NFATC1: variants seen among roughly 807,000 people sequenced by gnomAD.
NFATC1 encodes the protein nuclear factor of activated T-cells, cytoplasmic 1.
A neutral mutation model predicts 76.0 loss-of-function variants in NFATC1; 22 were observed. That is an observed-to-expected ratio of 0.29 (90% CI 0.21 to 0.41). The LOEUF (loss-of-function observed/expected upper bound fraction) is 0.41, where lower values mean the gene tolerates loss of function less well. Ranked by LOEUF, NFATC1 falls within the 10% of genes least tolerant of loss-of-function variation. The pLI is 1.00. For synonymous variants in NFATC1, 704 were observed against 613.1 expected, an observed-to-expected ratio of 1.15 and a Z score of -2.19; for missense variants, 1,357 against 1,337.7, an observed-to-expected ratio of 1.01 and a Z score of -0.23.
intron 1 of NFATC1, among the ~76,000 whole-genome samples, chr18:79,399,972 A>T (rs2085130566): frequency 8.3e-6 from 1 of 120,794 alleles, no homozygotes; most frequent in African/African-American, 3.1e-5. Context: ...ACTTCTTTAA[A>T]AAAAAAACTT....
chr18:79,450,442 CTAA>C (rs1349671079), intron 4 of NFATC1, among the ~76,000 whole-genome samples: 12 of 148,026 alleles, frequency 8.1e-5, no homozygotes, highest in Admixed American at 2.0e-4. Flanking sequence ...AATATTTAAC[CTAA>C]TAATATATAA....
chr18:79,437,421 G>A (rs1223100527), intron 3 of NFATC1, among the ~76,000 whole-genome samples: 2 of 152,120 alleles, frequency 1.3e-5, no homozygotes, highest in Non-Finnish European at 1.5e-5. Flanking sequence ...CCTTGTCACC[G>A]GCTCCTCCTG....
chr18:79,486,533 C>T lies in NFATC1; in HGVS notation c.2378C>T (p.Pro793Leu), dbSNP rs377453275. ...PGHCHLGLPQ[P>L]AGEAPAVQDV... ...CACTGTCACCTCGGACTCCCGCAGC[C>T]GGCCGGAGAGGCCCCCGCCGTCCAG... is the stretch of plus-strand genomic sequence containing the variant. The change falls in exon 9 of 10, where the codon CCG becomes CTG. Residue 793 changes from proline (P) to leucine (L), a missense_variant. Pro to Leu is a moderately conservative substitution (Grantham distance 98, BLOSUM62 -3). This residue lies in a region of NFATC1 where 424 missense variants were observed against 395.4 expected (regional missense o/e 1.07). Coordinates refer to ENST00000427363, the MANE Select transcript of NFATC1 (RefSeq NM_001278669.2). 193 of 1,598,374 alleles carry T rather than the reference C, an allele frequency of 1.2e-4. No individual in the cohort carries two copies. In the Middle Eastern group the frequency reaches 1.3e-3, roughly 11 times the overall value.
chr18:79,471,292 G>C (rs1463201566), intron 8 of NFATC1, among the ~76,000 whole-genome samples: 5 of 152,166 alleles, frequency 3.3e-5, no homozygotes, highest in Non-Finnish European at 2.9e-5. Context: ...GGTCTGGTTA[G>C]AAAGGCGGCG....
chr18:79,418,197 T>C (rs1466945482), intron 2 of NFATC1, among the ~76,000 whole-genome samples: 2 of 152,084 alleles, frequency 1.3e-5, no homozygotes, highest in Non-Finnish European at 2.9e-5. Context: ...CGTTGTGTGA[T>C]GGCAGGAAGA....
At chr18:79,508,155 G>C (rs909304435) in intron 9 of NFATC1, among the ~76,000 whole-genome samples, 51 of 152,188 alleles carry the variant, frequency 3.4e-4, no homozygotes, top group African/African-American at 1.2e-3. Flanking sequence ...ATTGTTTTCT[G>C]GGATTCCCAG....
In NFATC1 at chr18:79,483,593, G is replaced by GTGT. The variant is rs1344853830; in HGVS notation, c.2093-2655_2093-2654insTGT. Among the ~76,000 whole-genome samples, 93 of 140,060 alleles carry GTGT rather than the reference G, an allele frequency of 6.6e-4. 10 individuals carry two copies. Among genetic ancestry groups the GTGT allele is most frequent in the African/African-American group, 1.9e-3 (69 of 35,870 alleles). 91.9% of individuals were successfully genotyped at this position (140,060 alleles called of 152,430 possible). On this transcript the variant is annotated intron_variant, in intron 8 of 9. Coordinates refer to ENST00000427363, the MANE Select transcript of NFATC1 (RefSeq NM_001278669.2). Reference sequence around the variant, plus strand: ...ACTCCGGCGTGACCTGGTTCCTGGGGCGTCACTCCGGCGTGACCTCGTTCC... The same window carrying GTGT: ...ACTCCGGCGTGACCTGGTTCCTGGGGTGTCGTCACTCCGGCGTGACCTCGTTCC...
Position 79,425,255 on chromosome 18 carries a change from C to CTG in NFATC1, c.1227-8323_1227-8322insGT, listed in dbSNP as rs1568944986. Among the ~76,000 whole-genome samples, 44 of 53,844 alleles carry CTG rather than the reference C, an allele frequency of 8.2e-4. 2 individuals are homozygous for CTG. Among genetic ancestry groups the CTG allele is most frequent in the African/African-American group, 2.3e-3 (17 of 7,484 alleles). 35.3% of individuals were successfully genotyped at this position (53,844 alleles called of 152,430 possible). On this transcript the variant is annotated intron_variant, in intron 2 of 9. Coordinates refer to ENST00000427363, the MANE Select transcript of NFATC1 (RefSeq NM_001278669.2). ...TCCCTGTCTCTGTCTCTCTGTTTCT[C>CTG]TCCCTGTCTCTGTCTCTCTCTCTGT... is the stretch of plus-strand genomic sequence containing the variant.
chr18:79,415,109 C>T (rs1046503502), intron 2 of NFATC1, among the ~76,000 whole-genome samples: 18 of 152,330 alleles, frequency 1.2e-4, no homozygotes, highest in African/African-American at 4.1e-4. Context: ...GCATCAGCCT[C>T]TGGAAAGTGT....
chr18:79,412,394 C>T (rs192449549), intron 2 of NFATC1, among the ~76,000 whole-genome samples: 4 of 152,040 alleles, frequency 2.6e-5, no homozygotes, highest in East Asian at 3.9e-4. Context: ...GTTTGCCACG[C>T]GCAGCCCGGG....
At chr18:79,459,724 C>T (rs1232344474) in intron 6 of NFATC1, among the ~76,000 whole-genome samples, 3 of 152,120 alleles carry the variant, frequency 2.0e-5, no homozygotes, top group Non-Finnish European at 4.4e-5. Flanking sequence ...GGGCCTCACC[C>T]CAAAGATGGA....
Position 79,461,307 on chromosome 18 carries a change from C to T in NFATC1, c.1904-4C>T, listed in dbSNP as rs201868416. The T allele has an allele frequency of 2.3e-4, 355 of 1,575,496 alleles. 4 individuals carry two copies. In the South Asian group the frequency reaches 3.8e-3, roughly 17 times the overall value. On this transcript the variant is annotated splice_region_variant and splice_polypyrimidine_tract_variant and intron_variant, in intron 6 of 9. Coordinates refer to ENST00000427363, the MANE Select transcript of NFATC1 (RefSeq NM_001278669.2). The stretch of plus-strand genomic sequence containing the variant: ...CACAGACGTTTCCTGCTCCTTTCTT[C>T]CAGATGGCCACCATGTCTGGGAGAT...
intron 6 of NFATC1, among the ~76,000 whole-genome samples, chr18:79,455,781 C>CGGCCGCCCCATCCCAT (rs1555910091): frequency 3.3e-4 from 5 of 15,144 alleles, no homozygotes; most frequent in Non-Finnish European, 7.4e-4. Flanking sequence ...CCCCATCCCA[C>CGGCCGCCCCATCCCAT]GGCCGCCCCA....
chr18:79,398,577 C>T (rs1010109252), intron 1 of NFATC1, among the ~76,000 whole-genome samples: 1 of 152,208 alleles, frequency 6.6e-6, no homozygotes, highest in African/African-American at 2.4e-5. Flanking sequence ...GGGAGCCGCC[C>T]CACCGACCCC....
intron 8 of NFATC1, among the ~76,000 whole-genome samples, chr18:79,478,458 TG>T (rs1176923662): frequency 6.6e-6 from 1 of 152,266 alleles, no homozygotes; most frequent in East Asian, 1.9e-4. Flanking sequence ...CTGCCTGCCC[TG>T]GGGCTGCATA....
intron 8 of NFATC1, among the ~76,000 whole-genome samples, chr18:79,473,151 C>T (rs747881546): frequency 4.6e-5 from 7 of 152,254 alleles, no homozygotes; most frequent in Non-Finnish European, 8.8e-5. Context: ...GCCTGCGCCA[C>T]GCTCCAGGTC....
chr18:79,494,700 G>C (rs879435198), intron 9 of NFATC1, among the ~76,000 whole-genome samples: 2 of 74,826 alleles, frequency 2.7e-5, no homozygotes, highest in Non-Finnish European at 2.7e-5. Context: ...CGCCCCCCAT[G>C]AACCTGGTAC....
At chr18:79,408,565 T>G (rs2085521033) in intron 1 of NFATC1, among the ~76,000 whole-genome samples, 1 of 152,270 alleles carries the variant, frequency 6.6e-6, no homozygotes, top group African/African-American at 2.4e-5. Context: ...TATGAGCCAG[T>G]ATCAGAATCT....
rs767640160 is a variant in NFATC1, at chr18:79,410,622, A to G, written c.347A>G (p.Glu116Gly). Residue 116 changes from glutamate to glycine, a missense_variant, in exon 2 of 10, where the codon GAG becomes GGG. Transcript: ENST00000427363. This position sits in a 1 kb window ranked among gnomAD's most constrained non-coding sequence, Gnocchi z 6.7. ...HTRPDGAPALESPRIEITSCL... is the reference protein window; with the variant it reads ...HTRPDGAPALGSPRIEITSCL... ...AGGCCTGATGGGGCCCCTGCCCTGG[A>G]GAGTCCTCGCATCGAGATAACCTCG... 4.3e-6 allele frequency: 7 copies of G among 1,612,916 alleles called. No homozygotes were observed. The highest frequency in any genetic ancestry group is 5.9e-6 in the Non-Finnish European group (7 of 1,180,014).
Sources: gnomAD v4.1 joint callset for allele counts (sites outside exome capture counted in the v4.1 genomes callset) on GRCh38, gnomAD v4.1.1 for gene constraint, gnomAD v4.1.1 regional missense constraint, Gnocchi (gnomAD v3.1) non-coding constraint, MANE v1.5 for transcripts, NCBI Gene and HGNC (gene_info 2026-07-23, HGNC 2026-07-21) for gene names.